The following PLCL1 variants were observed in gnomAD, a reference collection of about 807,000 sequenced individuals.
PLCL1 encodes the protein inactive phospholipase C-like protein 1.
A neutral mutation model predicts 84.4 loss-of-function variants in PLCL1; 41 were observed. The observed-to-expected ratio is 0.49, with a 90% CI of 0.38 to 0.63. PLCL1 has a LOEUF of 0.63. Among genes scored for constraint, PLCL1 ranks in the 30% least tolerant of loss-of-function variants. PLCL1 has a pLI of 0.00. For synonymous variants in PLCL1, 490 were observed against 488.3 expected (o/e 1.00, Z -0.05); for missense variants, 1,206 against 1,367.8 (o/e 0.88, Z 1.87).
intron 1 of PLCL1, among the ~76,000 whole-genome samples, chr2:197,883,925 A>G (rs1574930202): frequency 1.3e-5 from 2 of 152,246 alleles, no homozygotes; most frequent in Admixed American, 6.5e-5. Flanking sequence ...TTAAGTACAG[A>G]ATGGTATCAT....
At chr2:198,100,016 G>A (rs1202727260) in intron 3 of PLCL1, among the ~76,000 whole-genome samples, 1 of 152,100 alleles carries the variant, frequency 6.6e-6, no homozygotes, top group African/African-American at 2.4e-5. Flanking sequence ...TAAGAGTGGA[G>A]AAATCTAGAG....
chr2:198,051,691 A>G (rs562546850), intron 1 of PLCL1, among the ~76,000 whole-genome samples: 22 of 152,264 alleles, frequency 1.4e-4, no homozygotes, highest in Middle Eastern at 3.4e-3. Context: ...TTATCCTGGA[A>G]AATTGCTTTG....
intron 1 of PLCL1, among the ~76,000 whole-genome samples, chr2:197,830,141 C>A (rs1691025868): frequency 6.6e-6 from 1 of 151,866 alleles, no homozygotes; most frequent in South Asian, 2.1e-4. Context: ...TCCTGGCCAG[C>A]AAGGGAACAA....
chr2:197,864,926 C>T (rs959147588), intron 1 of PLCL1, among the ~76,000 whole-genome samples: 4 of 152,158 alleles, frequency 2.6e-5, no homozygotes, highest in Non-Finnish European at 4.4e-5. Context: ...CTTGAATGCT[C>T]TTAATACTAA....
At chr2:197,914,385 A>C (rs1379845080) in intron 1 of PLCL1, among the ~76,000 whole-genome samples, 1 of 150,486 alleles carries the variant, frequency 6.6e-6, no homozygotes, top group Non-Finnish European at 1.5e-5. Flanking sequence ...GCTGGAGTGC[A>C]CTGGCACAAT....
intron 1 of PLCL1, among the ~76,000 whole-genome samples, chr2:197,816,281 G>A (rs559461517): frequency 5.4e-4 from 82 of 152,162 alleles, no homozygotes; most frequent in African/African-American, 1.9e-3. Context: ...TTATGATTAT[G>A]GCTAATGATC....
At chr2:197,915,685 T>C (rs558925809) in intron 1 of PLCL1, among the ~76,000 whole-genome samples, 21 of 152,238 alleles carry the variant, frequency 1.4e-4, no homozygotes, top group African/African-American at 5.1e-4. Flanking sequence ...GACAACCTAG[T>C]GATGATTTCC....
intron 1 of PLCL1, among the ~76,000 whole-genome samples, chr2:197,936,991 T>C (rs1689067509): frequency 6.6e-6 from 1 of 152,200 alleles, no homozygotes; most frequent in African/African-American, 2.4e-5. Context: ...TTTTCTTTCT[T>C]CTGCATATGG....
chr2:198,012,264 G>C (rs1019101948), intron 1 of PLCL1, among the ~76,000 whole-genome samples: 1 of 152,128 alleles, frequency 6.6e-6, no homozygotes, highest in African/African-American at 2.4e-5. Flanking sequence ...CTGGGCTAAA[G>C]TGCTGCAGGG....
intron 1 of PLCL1, among the ~76,000 whole-genome samples, chr2:197,834,759 G>C (rs1252044364): frequency 1.3e-5 from 2 of 152,178 alleles, no homozygotes; most frequent in Non-Finnish European, 2.9e-5. Context: ...CAAGGATCTA[G>C]AGCCAGAAAT....
At chr2:198,066,633 A>T (rs1692326871) in intron 1 of PLCL1, among the ~76,000 whole-genome samples, 2 of 152,202 alleles carry the variant, frequency 1.3e-5, no homozygotes, top group Admixed American at 1.3e-4. Flanking sequence ...TCTTTGCCTT[A>T]AAACCTCCAT....
At chr2:197,823,945 A>C (rs1224707814) in intron 1 of PLCL1, among the ~76,000 whole-genome samples, 1 of 152,198 alleles carries the variant, frequency 6.6e-6, no homozygotes, top group African/African-American at 2.4e-5. Context: ...AGTGGTCTCC[A>C]CTTTCCTCAA....
chr2:198,055,294 CCTCTCTCTCTCTCTCT>C (rs772260935), intron 1 of PLCL1, among the ~76,000 whole-genome samples: 1 of 120,256 alleles, frequency 8.3e-6, no homozygotes, highest in African/African-American at 3.4e-5. Context: ...CTGGTCAAAG[CCTCTCTCTCTCTCTCT>C]CTCTCTCTCT....
chr2:198,112,855 C>T (rs1425888619), intron 5 of PLCL1, among the ~76,000 whole-genome samples: 1 of 151,808 alleles, frequency 6.6e-6, no homozygotes, highest in Non-Finnish European at 1.5e-5. Flanking sequence ...AAGCCCTCAA[C>T]TCACTTGGAA....
chr2:197,849,877 A>G (rs1687193849), intron 1 of PLCL1, among the ~76,000 whole-genome samples: 1 of 152,150 alleles, frequency 6.6e-6, no homozygotes, highest in South Asian at 2.1e-4. Flanking sequence ...GTGAGAGTAG[A>G]TTATCATTTG....
chr2:197,976,045 C>T (rs1446857797), intron 1 of PLCL1, among the ~76,000 whole-genome samples: 1 of 152,188 alleles, frequency 6.6e-6, no homozygotes, highest in Non-Finnish European at 1.5e-5. Context: ...TTTCCCTACA[C>T]TCTTGCCAAA....
chr2:197,958,659 G>T (rs1689540919), intron 1 of PLCL1, among the ~76,000 whole-genome samples: 1 of 152,024 alleles, frequency 6.6e-6, no homozygotes, highest in African/African-American at 2.4e-5. Context: ...GTGAAAATAT[G>T]CCAGAACACT....
intron 1 of PLCL1, among the ~76,000 whole-genome samples, chr2:197,867,848 A>C (rs547587983): frequency 6.6e-6 from 1 of 152,282 alleles, no homozygotes; most frequent in South Asian, 2.1e-4. Context: ...TCTTGTGGTG[A>C]TCTCACAGAA....
intron 1 of PLCL1, among the ~76,000 whole-genome samples, chr2:198,042,141 T>C (rs1186734775): frequency 6.6e-6 from 1 of 152,190 alleles, no homozygotes; most frequent in Non-Finnish European, 1.5e-5. Flanking sequence ...GATAAAATGT[T>C]GGCACCTCCT....
Sources: gnomAD v4.1 joint callset for allele counts (sites outside exome capture counted in the v4.1 genomes callset) on GRCh38, gnomAD v4.1.1 for gene constraint, MANE v1.5 for transcripts, NCBI Gene and HGNC (gene_info 2026-07-23, HGNC 2026-07-21) for gene names.